RUVBL1: variants seen among roughly 807,000 people sequenced by gnomAD.
The protein encoded by RUVBL1 is RuvB like AAA ATPase 1, also known as ruvB-like 1.
RUVBL1 carries 4 observed loss-of-function variants against 52.4 expected under a neutral mutation model. The ratio of observed to expected loss-of-function variants is 0.08; its 90% confidence interval spans 0.04 to 0.17. The LOEUF (loss-of-function observed/expected upper bound fraction) is 0.17. Ranked by LOEUF, RUVBL1 falls within the 10% of genes least tolerant of loss-of-function variation. The probability of loss-of-function intolerance (pLI) is 1.00; values close to 1 mark genes in which losing one functional copy is unlikely to be tolerated. For synonymous variants in RUVBL1, 217 were observed against 214.4 expected, an observed-to-expected ratio of 1.01 and a Z score of -0.10; for missense variants, 298 against 572.8, an observed-to-expected ratio of 0.52 and a Z score of 4.90.
chr3:128,086,979 A>G (rs564044921), intron 9 of RUVBL1, among the ~76,000 whole-genome samples: 3 of 152,396 alleles, frequency 2.0e-5, no homozygotes, highest in South Asian at 2.1e-4. Context: ...GGGTCCTCCA[A>G]TGAAGCCTCT....
intron 1 of RUVBL1, among the ~76,000 whole-genome samples, chr3:128,134,305 A>T (rs1170480418): frequency 1.3e-5 from 2 of 151,802 alleles, no homozygotes; most frequent in Admixed American, 1.3e-4. Flanking sequence ...TCTACTAAAA[A>T]TACAAATGTT....
At position 128,082,219 on chromosome 3, in the gene RUVBL1, G is replaced by A; in HGVS notation, c.1211+264C>T. 1 of 431,826 alleles carries A rather than the reference G, an allele frequency of 2.3e-6. No individual in the cohort carries two copies. The allele number at this position is 431,826 out of a possible 1,614,324, so 26.7% of individuals were successfully genotyped here. On this transcript the variant is annotated intron_variant, in intron 10 of 10. Transcript: ENST00000322623. This position sits in a 1 kb window ranked among gnomAD's most constrained non-coding sequence, Gnocchi z 4.7. ...CTGTGCATCTTCTCTGCCACAAGAA[G>A]GCCCAGGGTCAAAGCACTCTCCACC...
intron 1 of RUVBL1, among the ~76,000 whole-genome samples, chr3:128,146,504 G>A (rs1387927109): frequency 1.3e-5 from 2 of 150,980 alleles, no homozygotes; most frequent in African/African-American, 2.4e-5. Context: ...CTGTGAGCAC[G>A]TGTGTGTGCG....
chr3:128,144,182 T>C (rs1220547307), intron 1 of RUVBL1, among the ~76,000 whole-genome samples: 2 of 152,154 alleles, frequency 1.3e-5, no homozygotes, highest in African/African-American at 2.4e-5. Flanking sequence ...GTTAACACAA[T>C]TACTGGCGAG....
At chr3:128,119,911 G>T (rs557414509) in intron 1 of RUVBL1, among the ~76,000 whole-genome samples, 1 of 152,164 alleles carries the variant, frequency 6.6e-6, no homozygotes. Context: ...GGTAGACAGC[G>T]GCCAGAACGC....
chr3:128,119,692 G>T (rs1039049130), intron 1 of RUVBL1, among the ~76,000 whole-genome samples: 2 of 152,182 alleles, frequency 1.3e-5, no homozygotes, highest in African/African-American at 4.8e-5. Flanking sequence ...GAGAGAGAAC[G>T]AGTGGCTAGA....
intron 1 of RUVBL1, among the ~76,000 whole-genome samples, chr3:128,140,228 G>GTT (rs372296453): frequency 0.077 from 4,126 of 53,242 alleles, 496 homozygotes; most frequent in East Asian, 0.47. Flanking sequence ...TTTTTTGTTT[G>GTT]TTTGTTTTTT....
chr3:128,134,188 C>T (rs933461763), intron 1 of RUVBL1, among the ~76,000 whole-genome samples: 11 of 152,058 alleles, frequency 7.2e-5, no homozygotes, highest in East Asian at 1.9e-4. Flanking sequence ...TTTGGCCAGG[C>T]GTAGTGGCTT....
chr3:128,075,863 C>T (rs1032033005), downstream of RUVBL1: 1 of 152,378 alleles, frequency 6.6e-6, no homozygotes, highest in African/African-American at 2.4e-5. Flanking sequence ...CCTCCGCTGC[C>T]GCTTGGCCCT....
At chr3:128,117,210 A>G (rs899770291) in intron 2 of RUVBL1, among the ~76,000 whole-genome samples, 1 of 152,214 alleles carries the variant, frequency 6.6e-6, no homozygotes, top group Non-Finnish European at 1.5e-5. Context: ...GACTGGAACA[A>G]AGATCTAAAA....
At chr3:128,151,834 A>C (rs1474278796) in intron 1 of RUVBL1, among the ~76,000 whole-genome samples, 3 of 152,194 alleles carry the variant, frequency 2.0e-5, no homozygotes, top group Non-Finnish European at 4.4e-5. Context: ...CAGTTACTGC[A>C]AGCATGAATA....
At chr3:128,080,423 G>C (rs144000871), downstream of RUVBL1, among the ~76,000 whole-genome samples, 1 of 152,222 alleles carries the variant, frequency 6.6e-6, no homozygotes, top group Admixed American at 6.5e-5. Flanking sequence ...AAAGGCAGCA[G>C]AGAGTAACTT....
chr3:128,124,461 C>G (rs1195971437), upstream of RUVBL1, among the ~76,000 whole-genome samples: 1 of 152,164 alleles, frequency 6.6e-6, no homozygotes, highest in African/African-American at 2.4e-5. Context: ...CACAAATAAT[C>G]AGAACTAGAA....
chr3:128,080,627 A>G (rs1942443885), downstream of RUVBL1, among the ~76,000 whole-genome samples: 1 of 152,180 alleles, frequency 6.6e-6, no homozygotes, highest in South Asian at 2.1e-4. Flanking sequence ...ACAAACCCCA[A>G]CTGAGGGATG....
At chr3:128,152,921 G>A (rs1257911293) in intron 1 of RUVBL1, among the ~76,000 whole-genome samples, 2 of 952 alleles carry the variant, frequency 2.1e-3, no homozygotes, top group African/African-American at 4.4e-3. Context: ...CCCGCCCCCC[G>A]CCGTCCCCCC....
chr3:128,153,633 C>T (rs763931850), exon 1 of RUVBL1: 12 of 1,598,048 alleles, frequency 7.5e-6, no homozygotes, highest in Non-Finnish European at 9.3e-6. Context: ...AGCCGCAGAG[C>T]CGCGAGCGCG....
intron 3 of RUVBL1, among the ~76,000 whole-genome samples, chr3:128,107,439 T>A (rs374338147): frequency 3.3e-5 from 5 of 152,246 alleles, no homozygotes; most frequent in Non-Finnish European, 5.9e-5. Context: ...TTAAGCTACC[T>A]CCGTTCTGAT....
rs62271717 is a variant in RUVBL1, at chr3:128,122,510, A to C, written c.141+1074T>G. Among the ~76,000 whole-genome samples, 227 of 152,358 alleles carry C rather than the reference A, an allele frequency of 1.5e-3. 4 individuals are homozygous for C. Among genetic ancestry groups the C allele is most frequent in the African/African-American group, 5.4e-3 (226 of 41,580 alleles). On this transcript the variant is annotated intron_variant, in intron 1 of 10. Transcript: ENST00000322623. ...TTAGCACAGTGCTTGGCACATGGAA[A>C]GCACTCAACCAATGTTAGCTACTTG...
intron 9 of RUVBL1, chr3:128,068,112 C>T (rs1026447751): frequency 3.8e-5 from 55 of 1,460,656 alleles, no homozygotes; most frequent in Non-Finnish European, 4.8e-5. Context: ...TGTGTTGTTT[C>T]TTTCCATGCA....
Sources: gnomAD v4.1 joint callset for allele counts (sites outside exome capture counted in the v4.1 genomes callset) on GRCh38, gnomAD v4.1.1 for gene constraint, Gnocchi (gnomAD v3.1) non-coding constraint, MANE v1.5 for transcripts, NCBI Gene and HGNC (gene_info 2026-07-23, HGNC 2026-07-21) for gene names.